The following ZFPM2 variants were observed in gnomAD, a reference collection of about 807,000 sequenced individuals.
ZFPM2 encodes zinc finger protein ZFPM2.
Under a neutral mutation model 98.6 loss-of-function variants are expected in ZFPM2, and 20 were observed. That is an observed-to-expected ratio of 0.20 (90% CI 0.14 to 0.29). ZFPM2 has a LOEUF of 0.29. Among genes scored for constraint, ZFPM2 ranks in the 10% least tolerant of loss-of-function variants. The pLI, the probability that ZFPM2 is intolerant of heterozygous loss-of-function variation, is 1.00. For synonymous variants in ZFPM2, 518 were observed against 502.7 expected (o/e 1.03, Z -0.41); for missense variants, 1,310 against 1,388.6 (o/e 0.94, Z 0.90).
intron 5 of ZFPM2, among the ~76,000 whole-genome samples, chr8:105,713,272 C>A (rs377335079): frequency 6.6e-6 from 1 of 152,014 alleles, no homozygotes; most frequent in South Asian, 2.1e-4. Context: ...ATTTGCATTT[C>A]TTTGATGATT....
chr8:105,401,387 G>A (rs1193691973), intron 1 of ZFPM2, among the ~76,000 whole-genome samples: 3 of 151,922 alleles, frequency 2.0e-5, no homozygotes, highest in African/African-American at 7.3e-5. Context: ...TTAAAAAAAT[G>A]CTTTACTGCC....
chr8:105,698,682 A>G (rs1811073739), intron 5 of ZFPM2, among the ~76,000 whole-genome samples: 2 of 152,206 alleles, frequency 1.3e-5, no homozygotes, highest in Non-Finnish European at 2.9e-5. Context: ...TAAAACAAAA[A>G]GACTTTTGAA....
At chr8:105,481,515 T>C (rs1481025) in intron 3 of ZFPM2, among the ~76,000 whole-genome samples, 97,639 of 151,776 alleles carry the variant, frequency 0.64, 31,453 homozygotes, top group East Asian at 0.78. Flanking sequence ...CCTATTGGAT[T>C]AGGCTCCTAA....
intron 3 of ZFPM2, among the ~76,000 whole-genome samples, chr8:105,484,614 C>T (rs749855170): frequency 9.9e-5 from 15 of 152,130 alleles, no homozygotes; most frequent in Non-Finnish European, 2.1e-4. Context: ...AATGAGTACA[C>T]GTCCTTAGAA....
intron 4 of ZFPM2, among the ~76,000 whole-genome samples, chr8:105,621,202 A>G (rs202197959): frequency 6.6e-6 from 1 of 151,900 alleles, no homozygotes; most frequent in African/African-American, 2.4e-5. Flanking sequence ...CTCTTATTTC[A>G]TTGAGCAGTG....
intron 5 of ZFPM2, among the ~76,000 whole-genome samples, chr8:105,712,886 A>G (rs957835218): frequency 3.9e-5 from 6 of 152,036 alleles, no homozygotes; most frequent in African/African-American, 1.4e-4. Flanking sequence ...AGGACATGAT[A>G]TCATTCTTTT....
intron 5 of ZFPM2, among the ~76,000 whole-genome samples, chr8:105,660,513 T>TA (rs2130885170): frequency 6.6e-6 from 1 of 152,218 alleles, no homozygotes; most frequent in South Asian, 2.1e-4. Context: ...CATACATGTG[T>TA]AAAAAAATGC....
intron 5 of ZFPM2, among the ~76,000 whole-genome samples, chr8:105,681,181 T>A (rs895790524): frequency 6.6e-6 from 1 of 152,160 alleles, no homozygotes; most frequent in Non-Finnish European, 1.5e-5. Flanking sequence ...GTTATATAAA[T>A]TTTTTATATT....
At chr8:105,501,906 A>G (rs1196990762) in intron 3 of ZFPM2, among the ~76,000 whole-genome samples, 1 of 151,864 alleles carries the variant, frequency 6.6e-6, no homozygotes, top group Non-Finnish European at 1.5e-5. Context: ...CAGGTAAAAT[A>G]AACACAATGT....
Position 105,803,484 on chromosome 8 carries a change from T to C in ZFPM2, c.3402T>C (p.Phe1134=), listed in dbSNP as rs1203964284. Residue 1134 remains phenylalanine, a synonymous_variant, in exon 8 of 8, where the codon TTT becomes TTC. Transcript: ENST00000407775. ...TCCAGTTCAACAACCTTTCAAACTT[T>C]ATAACTCACAAGAAGTTTTATTGCT... is the stretch of plus-strand genomic sequence containing the variant. ...CDIQFNNLSN[F]ITHKKFYCSS... is the part of the protein sequence containing the mutation. 1 of 1,613,024 alleles carries C rather than the reference T, an allele frequency of 6.2e-7. No homozygotes were observed. Among genetic ancestry groups the C allele is most frequent in the Non-Finnish European group, 8.5e-7 (1 of 1,179,512 alleles).
rs1814079555 is a variant in ZFPM2 at position 105,802,864 on chromosome 8, A to G, written c.2782A>G (p.Asn928Asp). The part of the protein sequence containing the change: ...KNGNLKQPSP[N>D]GNLFSSHLAT... ...TGGGAATTTGAAGCAGCCTTCCCCC[A>G]ATGGAAACTTATTTTCATCCCACCT... is the stretch of plus-strand genomic sequence containing the variant. The change falls in exon 8 of 8, where the codon AAT becomes GAT. Residue 928 changes from asparagine to aspartate, a missense_variant. Asn to Asp is a conservative substitution (Grantham distance 23). Coordinates refer to ENST00000407775, the MANE Select transcript of ZFPM2 (RefSeq NM_012082.4). The G allele has an allele frequency of 6.2e-7, 1 of 1,613,608 alleles. No homozygotes were observed.
At chr8:105,658,243 T>G in intron 5 of ZFPM2, among the ~76,000 whole-genome samples, 1 of 152,044 alleles carries the variant, frequency 6.6e-6, no homozygotes, top group East Asian at 1.9e-4. Flanking sequence ...AATCCTTTGC[T>G]TTTGTATTTC....
chr8:105,757,212 GTCT>G (rs1812621706), intron 5 of ZFPM2, among the ~76,000 whole-genome samples: 1 of 152,086 alleles, frequency 6.6e-6, no homozygotes. Flanking sequence ...TTAGAGTGAC[GTCT>G]AAAGGCATTT....
chr8:105,561,588 A>G, intron 4 of ZFPM2, 107 bp downstream of exon 4: 1 of 961,160 alleles, frequency 1.0e-6, no homozygotes, highest in Non-Finnish European at 1.5e-6. Context: ...ACTAAAAATA[A>G]CCATTTGTTT....
chr8:105,558,194 G>A (rs2130689596), intron 3 of ZFPM2, among the ~76,000 whole-genome samples: 1 of 152,208 alleles, frequency 6.6e-6, no homozygotes, highest in African/African-American at 2.4e-5. Context: ...TTTATACAAT[G>A]TTTTGTTTCT....
intron 1 of ZFPM2, among the ~76,000 whole-genome samples, chr8:105,411,097 G>A (rs375321060): frequency 1.3e-5 from 2 of 151,806 alleles, no homozygotes; most frequent in African/African-American, 4.8e-5. Flanking sequence ...TTTAAAATTT[G>A]CCCAGTATTC....
At chr8:105,702,252 G>A (rs1429527529) in intron 5 of ZFPM2, among the ~76,000 whole-genome samples, 4 of 152,138 alleles carry the variant, frequency 2.6e-5, no homozygotes, top group Non-Finnish European at 4.4e-5. Context: ...TTTAAGAAAC[G>A]GGTTTCAACA....
At chr8:105,362,237 A>G (rs1039844973) in intron 1 of ZFPM2, among the ~76,000 whole-genome samples, 1 of 152,090 alleles carries the variant, frequency 6.6e-6, no homozygotes, top group Non-Finnish European at 1.5e-5. Flanking sequence ...AAAGCACTTT[A>G]TTTAGGTAGA....
chr8:105,441,398 G>A (rs903108296), intron 2 of ZFPM2, among the ~76,000 whole-genome samples: 18 of 144,428 alleles, frequency 1.2e-4, no homozygotes, highest in African/African-American at 4.3e-4. Flanking sequence ...CAAAAGGAGT[G>A]AAAACTCTGT....
Sources: allele counts gnomAD v4.1 joint callset (sites outside exome capture counted in the v4.1 genomes callset), GRCh38; gene constraint gnomAD v4.1.1; transcripts MANE v1.5; gene names NCBI Gene and HGNC (gene_info 2026-07-23, HGNC 2026-07-21).